ENOX1: variants seen among roughly 807,000 people sequenced by gnomAD.
ENOX1 encodes the protein candidate growth-related and time keeping constitutive hydroquinone (NADH) oxidase.
In ENOX1, 42 loss-of-function variants were observed where a neutral mutation model predicts 82.5. The observed-to-expected ratio is 0.51, with a 90% CI of 0.40 to 0.66. The LOEUF (loss-of-function observed/expected upper bound fraction) is 0.66. Among genes scored for constraint, ENOX1 ranks in the 30% least tolerant of loss-of-function variants. ENOX1 has a pLI of 0.00. For missense variants in ENOX1, 608 were observed against 811.6 expected, an observed-to-expected ratio of 0.75 and a Z score of 3.05; for synonymous variants, 271 against 282.2, an observed-to-expected ratio of 0.96 and a Z score of 0.40.
chr13:43,343,267 A>G (rs111957566), intron 9 of ENOX1, among the ~76,000 whole-genome samples: 2 of 152,166 alleles, frequency 1.3e-5, no homozygotes, highest in Non-Finnish European at 2.9e-5. Context: ...AACTGCTGTA[A>G]ATATTGCTTT....
chr13:43,397,125 T>C (rs967219641), intron 5 of ENOX1, among the ~76,000 whole-genome samples: 2 of 152,222 alleles, frequency 1.3e-5, no homozygotes, highest in Admixed American at 1.3e-4. Flanking sequence ...CATGCCCCTC[T>C]CTTGGCGAAG....
intron 2 of ENOX1, among the ~76,000 whole-genome samples, chr13:43,524,616 C>T (rs548930007): frequency 9.9e-5 from 15 of 152,206 alleles, no homozygotes; most frequent in African/African-American, 3.6e-4. Flanking sequence ...TCCTCCAATA[C>T]ACCAAGCACA....
intron 12 of ENOX1, among the ~76,000 whole-genome samples, chr13:43,271,264 T>A (rs1231011890): frequency 6.6e-6 from 1 of 152,204 alleles, no homozygotes; most frequent in African/African-American, 2.4e-5. Flanking sequence ...AATAATCGTG[T>A]ATCTGTATCA....
At chr13:43,563,457 T>C (rs1431164561) in intron 2 of ENOX1, among the ~76,000 whole-genome samples, 5 of 151,922 alleles carry the variant, frequency 3.3e-5, no homozygotes, top group South Asian at 2.1e-4. Context: ...AACCTAGCAA[T>C]GCATCTTAGT....
chr13:43,765,438 C>A (rs1473675574), intron 1 of ENOX1, among the ~76,000 whole-genome samples: 2 of 152,116 alleles, frequency 1.3e-5, no homozygotes, highest in Non-Finnish European at 2.9e-5. Flanking sequence ...TGGAGCCTAG[C>A]TTAGTTCCCT....
At chr13:43,426,433 C>A (rs1460578094) in intron 3 of ENOX1, among the ~76,000 whole-genome samples, 1 of 152,140 alleles carries the variant, frequency 6.6e-6, no homozygotes, top group Non-Finnish European at 1.5e-5. Context: ...AGCTAGATGG[C>A]TTAAACCCAA....
intron 1 of ENOX1, among the ~76,000 whole-genome samples, chr13:43,775,227 T>C (rs1827641725): frequency 6.6e-6 from 1 of 152,070 alleles, no homozygotes; most frequent in African/African-American, 2.4e-5. Context: ...TAGCACACTA[T>C]AATCTCAAAC....
At chr13:43,684,439 A>G (rs1267039269) in intron 1 of ENOX1, among the ~76,000 whole-genome samples, 2 of 152,176 alleles carry the variant, frequency 1.3e-5, no homozygotes, top group Non-Finnish European at 2.9e-5. Context: ...AGCAAAAGTC[A>G]GATGTCCCAG....
At chr13:43,552,746 T>A (rs1377631361) in intron 2 of ENOX1, among the ~76,000 whole-genome samples, 2 of 152,198 alleles carry the variant, frequency 1.3e-5, no homozygotes, top group Non-Finnish European at 2.9e-5. Flanking sequence ...CCTAACCTTG[T>A]AGTCCTCTGC....
intron 1 of ENOX1, among the ~76,000 whole-genome samples, chr13:43,704,819 AATT>A (rs2087147195): frequency 6.6e-6 from 1 of 152,218 alleles, no homozygotes; most frequent in South Asian, 2.1e-4. Flanking sequence ...AGCTGCTAAT[AATT>A]ATTATCTTGA....
rs1279735204 is a variant in ENOX1 at position 43,412,978 on chromosome 13, G to A, written c.-64C>T. 8.8e-6 allele frequency: 14 copies of A among 1,590,998 alleles called. No homozygotes were observed. The highest frequency in any genetic ancestry group is 7.7e-6 in the Non-Finnish European group (9 of 1,169,430). ...GGCTGAGTGCAGGGTCCCCTCGGAG[G>A]TCATCAGATTCTGCAAAACGGGACA... is the stretch of plus-strand genomic sequence containing the variant. On this transcript the variant is annotated 5_prime_UTR_variant, in exon 4 of 17. Coordinates refer to ENST00000690772, the MANE Select transcript of ENOX1 (RefSeq NM_001347969.2).
intron 2 of ENOX1, among the ~76,000 whole-genome samples, chr13:43,578,960 G>A (rs2080570975): frequency 6.6e-6 from 1 of 151,892 alleles, no homozygotes. Flanking sequence ...TTAAGCAAGT[G>A]GGACCAGAAA....
At chr13:43,515,698 G>A (rs1035180310) in intron 2 of ENOX1, among the ~76,000 whole-genome samples, 4 of 152,186 alleles carry the variant, frequency 2.6e-5, no homozygotes, top group Non-Finnish European at 4.4e-5. Flanking sequence ...ACTACACTAT[G>A]CTAGTGCTAC....
intron 5 of ENOX1, among the ~76,000 whole-genome samples, chr13:43,370,845 G>A (rs1447754425): frequency 6.6e-6 from 1 of 151,974 alleles, no homozygotes; most frequent in Non-Finnish European, 1.5e-5. Flanking sequence ...GCTCTCATCT[G>A]GAGTACTGCA....
intron 1 of ENOX1, among the ~76,000 whole-genome samples, chr13:43,752,399 T>C (rs1408127323): frequency 6.6e-6 from 1 of 152,250 alleles, no homozygotes. Flanking sequence ...GTCTAATTTA[T>C]CAATTTGTTC....
chr13:43,754,041 T>G, intron 1 of ENOX1, among the ~76,000 whole-genome samples: 1 of 59,926 alleles, frequency 1.7e-5, no homozygotes, highest in Non-Finnish European at 6.8e-5. Context: ...TATATGTATA[T>G]AAATACACAT....
chr13:43,581,076 GGA>G (rs1430909681), intron 2 of ENOX1, among the ~76,000 whole-genome samples: 1 of 150,122 alleles, frequency 6.7e-6, no homozygotes, highest in African/African-American at 2.4e-5. Flanking sequence ...AGAGCAAAAT[GGA>G]GAGATACTCA....
chr13:43,711,278 C>G (rs1056550083), intron 1 of ENOX1, among the ~76,000 whole-genome samples: 1 of 152,022 alleles, frequency 6.6e-6, no homozygotes, highest in Admixed American at 6.6e-5. Flanking sequence ...CATAGTATTC[C>G]ATGGTGTATA....
chr13:43,428,275 A>T (rs184641484), intron 3 of ENOX1, among the ~76,000 whole-genome samples: 4 of 152,334 alleles, frequency 2.6e-5, no homozygotes, highest in Middle Eastern at 3.4e-3. Flanking sequence ...GAGAGAGAGA[A>T]CAAACATATA....
Sources: gnomAD v4.1 joint callset for allele counts (sites outside exome capture counted in the v4.1 genomes callset) on GRCh38, gnomAD v4.1.1 for gene constraint, MANE v1.5 for transcripts, NCBI Gene and HGNC (gene_info 2026-07-23, HGNC 2026-07-21) for gene names.